The following MYO5B variants were observed in gnomAD, a reference collection of about 807,000 sequenced individuals.
The protein encoded by MYO5B is unconventional myosin-Vb.
In MYO5B, 143 loss-of-function variants were observed where a neutral mutation model predicts 229.3. The ratio of observed to expected loss-of-function variants is 0.62; its 90% CI spans 0.54 to 0.72. MYO5B has a LOEUF of 0.72. Among genes scored for constraint, MYO5B ranks in the 30% least tolerant of loss-of-function variants. The pLI is 0.00. For missense variants in MYO5B, 2,321 were observed against 2,331.0 expected (o/e 1.00, Z 0.09); for synonymous variants, 918 against 885.2 (o/e 1.04, Z -0.66).
At chr18:49,977,007 T>C (rs530091041) in intron 9 of MYO5B, among the ~76,000 whole-genome samples, 1 of 152,300 alleles carries the variant, frequency 6.6e-6, no homozygotes, top group African/African-American at 2.4e-5. Context: ...GCAGCTACCA[T>C]GACTGCCCAA....
intron 1 of MYO5B, among the ~76,000 whole-genome samples, chr18:50,071,455 T>C (rs1396865356): frequency 1.3e-5 from 2 of 152,180 alleles, no homozygotes; most frequent in African/African-American, 4.8e-5. Context: ...GACGGACGCG[T>C]GCACACACAC....
intron 18 of MYO5B, 131 bp from the exon 19 acceptor site, chr18:49,906,761 C>A: frequency 1.2e-6 from 1 of 800,662 alleles, no homozygotes. Context: ...TAGATGGACA[C>A]AAAGTCTCAG....
intron 19 of MYO5B, 58 bp from the exon 20 acceptor site, chr18:49,904,886 A>C: frequency 6.3e-7 from 1 of 1,592,280 alleles, no homozygotes; most frequent in Non-Finnish European, 8.5e-7. Flanking sequence ...GCCCTGATGC[A>C]GAGAACCCTG....
chr18:50,022,281 T>C (rs1375811400), intron 4 of MYO5B, among the ~76,000 whole-genome samples: 3 of 152,206 alleles, frequency 2.0e-5, no homozygotes, highest in Non-Finnish European at 4.4e-5. Context: ...TCCGCTGTGA[T>C]TCCACTGCCA....
intron 2 of MYO5B, among the ~76,000 whole-genome samples, chr18:50,052,705 TA>T (rs35059232): frequency 2.1e-5 from 3 of 142,556 alleles, no homozygotes; most frequent in African/African-American, 8.0e-5. Flanking sequence ...TAAAGTATAA[TA>T]AAAAAAAAAG....
intron 1 of MYO5B, among the ~76,000 whole-genome samples, chr18:50,181,466 G>C (rs1261171307): frequency 6.6e-6 from 1 of 152,222 alleles, no homozygotes; most frequent in East Asian, 1.9e-4. Context: ...TAGTCAGTGA[G>C]TCCTCACCTT....
chr18:49,970,260 G>A (rs2025677029), intron 10 of MYO5B, among the ~76,000 whole-genome samples: 1 of 152,216 alleles, frequency 6.6e-6, no homozygotes. Context: ...CTTGGTTAAG[G>A]TGAAGAGCTC....
At chr18:50,164,003 G>C (rs1188436539) in intron 1 of MYO5B, among the ~76,000 whole-genome samples, 1 of 152,180 alleles carries the variant, frequency 6.6e-6, no homozygotes, top group Non-Finnish European at 1.5e-5. Flanking sequence ...AATTGTTCAA[G>C]TTATCAGAGG....
rs138132446 is a variant in MYO5B at position 49,915,489 on chromosome 18, C to T, written c.2091-3316G>A. Among the ~76,000 whole-genome samples the T allele has an allele frequency of 4.0e-3, 610 of 152,336 alleles. 2 individuals carry two copies. Among genetic ancestry groups the T allele is most frequent in the Non-Finnish European group, 6.5e-3 (442 of 68,028 alleles). ...TCCCTTCAGAAGGAAGGGCGCAGGG[C>T]GCTTAGAGCACCGAGGCCTCTGTCT... On this transcript the variant is annotated intron_variant, in intron 17 of 39. Coordinates refer to ENST00000285039, the MANE Select transcript of MYO5B (RefSeq NM_001080467.3).
intron 14 of MYO5B, among the ~76,000 whole-genome samples, chr18:49,949,171 T>C (rs534375071): frequency 6.6e-6 from 1 of 152,298 alleles, no homozygotes; most frequent in Non-Finnish European, 1.5e-5. Context: ...CAGCACATGC[T>C]GGCACAAACA....
At chr18:50,176,683 CAA>C (rs2033001391) in intron 1 of MYO5B, among the ~76,000 whole-genome samples, 1 of 152,166 alleles carries the variant, frequency 6.6e-6, no homozygotes, top group African/African-American at 2.4e-5. Context: ...AACTTCCATT[CAA>C]AAGTCTTTCT....
intron 1 of MYO5B, among the ~76,000 whole-genome samples, chr18:50,149,264 G>T (rs1368251760): frequency 2.0e-5 from 3 of 151,594 alleles, no homozygotes; most frequent in Non-Finnish European, 4.4e-5. Flanking sequence ...ACTGCCCAAG[G>T]TAATTTACAG....
At position 49,825,363 on chromosome 18, in the gene MYO5B, C is replaced by T. The variant is rs1222688972; in HGVS notation, c.*1108G>A. ...TTTTTTGTGTGCTAAATTTGAAAAA[C>T]GTTGAAAATAACCTGAAAAGGGAAA... On this transcript the variant is annotated 3_prime_UTR_variant, in exon 40 of 40. Coordinates refer to ENST00000285039, the MANE Select transcript of MYO5B (RefSeq NM_001080467.3). The T allele has an allele frequency of 2.6e-5, 4 of 151,414 alleles. No homozygotes were observed. Among genetic ancestry groups the T allele is most frequent in the Admixed American group, 2.0e-4 (3 of 15,220 alleles). The allele number at this position is 151,414 out of a possible 1,614,324, so 9.4% of individuals were successfully genotyped here.
chr18:49,892,745 G>C (rs2024730017), intron 22 of MYO5B, among the ~76,000 whole-genome samples: 1 of 152,186 alleles, frequency 6.6e-6, no homozygotes, highest in South Asian at 2.1e-4. Context: ...AGATTCTGAA[G>C]ATTCTAAAGA....
At chr18:50,183,733 T>C (rs2033108727) in intron 1 of MYO5B, among the ~76,000 whole-genome samples, 1 of 141,074 alleles carries the variant, frequency 7.1e-6, no homozygotes, top group African/African-American at 2.7e-5. Flanking sequence ...TGATCCCCAA[T>C]GTGGCGGGGG....
chr18:49,858,054 A>T (rs931589060), intron 29 of MYO5B, among the ~76,000 whole-genome samples: 2 of 152,176 alleles, frequency 1.3e-5, no homozygotes, highest in African/African-American at 4.8e-5. Context: ...AACCATCTGT[A>T]AACCAAAAAT....
At chr18:49,940,212 A>C (rs1416808622) in intron 14 of MYO5B, among the ~76,000 whole-genome samples, 1 of 152,238 alleles carries the variant, frequency 6.6e-6, no homozygotes, top group African/African-American at 2.4e-5. Flanking sequence ...ATATCAAAAC[A>C]ACGCAATGAG....
At chr18:50,032,237 T>C (rs2026398332) in intron 4 of MYO5B, among the ~76,000 whole-genome samples, 1 of 152,214 alleles carries the variant, frequency 6.6e-6, no homozygotes, top group South Asian at 2.1e-4. Context: ...ACTCATTTAC[T>C]GTGTATAATT....
rs373411231 is a variant in MYO5B at position 49,880,318 on chromosome 18, G to T, written c.3130+53C>A. On this transcript the variant is annotated intron_variant, in intron 23 of 39. Transcript: ENST00000285039. ...TGCTAGGAGTCTTTGGGAGAAGTCAGTGAGGAAAAGAGATTAAAACCCCAA... is the reference window on the plus strand; with the variant it reads ...TGCTAGGAGTCTTTGGGAGAAGTCATTGAGGAAAAGAGATTAAAACCCCAA... 48 of 1,479,480 alleles carry T rather than the reference G, an allele frequency of 3.2e-5. No individual in the cohort carries two copies. In the African/African-American group the frequency reaches 5.0e-4, roughly 15 times the overall value. The allele number at this position is 1,479,480 out of a possible 1,614,324, so 91.6% of individuals were successfully genotyped here.
Sources: allele counts gnomAD v4.1 joint callset (sites outside exome capture counted in the v4.1 genomes callset), GRCh38; gene constraint gnomAD v4.1.1; transcripts MANE v1.5; gene names NCBI Gene and HGNC (gene_info 2026-07-23, HGNC 2026-07-21).